The following PDZRN4 variants were observed in gnomAD, a reference collection of about 807,000 sequenced individuals.
The protein encoded by PDZRN4 is PDZ domain containing ring finger 4.
Under a neutral mutation model 99.0 loss-of-function variants are expected in PDZRN4, and 70 were observed. That is an observed-to-expected ratio of 0.71 (90% CI 0.58 to 0.86). The LOEUF is 0.86. PDZRN4 is among the 40% of genes least tolerant of loss of function. PDZRN4 has a pLI of 0.00. For missense variants in PDZRN4, 1,474 were observed against 1,331.2 expected, an observed-to-expected ratio of 1.11 and a Z score of -1.67; for synonymous variants, 551 against 501.6, an observed-to-expected ratio of 1.10 and a Z score of -1.32.
chr12:41,574,153 A>C lies in PDZRN4; in HGVS notation c.*263A>C, dbSNP rs1238746094. ...AATCAAAAACAAAAGGAAAGAAAACAAAAAAAACTTGCACAAAAATACTGA... is the reference window on the plus strand; with the variant it reads ...AATCAAAAACAAAAGGAAAGAAAACCAAAAAAACTTGCACAAAAATACTGA... On this transcript the variant is annotated 3_prime_UTR_variant, in exon 10 of 10. Coordinates refer to ENST00000402685, the MANE Select transcript of PDZRN4 (RefSeq NM_001164595.2). 1 of 261,630 alleles carries C rather than the reference A, an allele frequency of 3.8e-6. No individual in the cohort carries two copies. The highest frequency in any genetic ancestry group is 7.1e-6 in the Non-Finnish European group (1 of 140,750). The allele number at this position is 261,630 out of a possible 1,614,324, so 16.2% of individuals were successfully genotyped here.
chr12:41,392,850 T>C (rs901106851), intron 3 of PDZRN4, among the ~76,000 whole-genome samples: 4 of 152,150 alleles, frequency 2.6e-5, no homozygotes, highest in African/African-American at 9.7e-5. Flanking sequence ...GTAGCCCAGA[T>C]AGTGGAGGAA....
chr12:41,540,940 TCGGAGA>T (rs1312999778), intron 5 of PDZRN4, among the ~76,000 whole-genome samples: 2 of 143,474 alleles, frequency 1.4e-5, no homozygotes, highest in Non-Finnish European at 3.1e-5. Context: ...TGTTGTTGTT[TCGGAGA>T]CGGAGTCTCA....
At chr12:41,552,211 CT>C (rs1157692049) in intron 5 of PDZRN4, among the ~76,000 whole-genome samples, 8 of 151,962 alleles carry the variant, frequency 5.3e-5, no homozygotes, top group Non-Finnish European at 8.8e-5. Context: ...TTGGTATAGT[CT>C]TTTTTTTATT....
chr12:41,397,623 A>G (rs1952258704), intron 3 of PDZRN4, among the ~76,000 whole-genome samples: 1 of 152,160 alleles, frequency 6.6e-6, no homozygotes, highest in Non-Finnish European at 1.5e-5. Context: ...AGTCTTTTTT[A>G]GTACATTAAA....
intron 3 of PDZRN4, among the ~76,000 whole-genome samples, chr12:41,197,551 A>G (rs1338585906): frequency 6.6e-6 from 1 of 152,216 alleles, no homozygotes; most frequent in Admixed American, 6.5e-5. Context: ...ATCAGTTGTG[A>G]TAGTTGAGTT....
chr12:41,431,241 C>T (rs550882976), intron 3 of PDZRN4, among the ~76,000 whole-genome samples: 4 of 152,180 alleles, frequency 2.6e-5, no homozygotes, highest in South Asian at 2.1e-4. Context: ...TGGGCACATA[C>T]GTACTCTGTG....
intron 3 of PDZRN4, among the ~76,000 whole-genome samples, chr12:41,344,025 G>T (rs1345531260): frequency 6.6e-6 from 1 of 152,026 alleles, no homozygotes; most frequent in Non-Finnish European, 1.5e-5. Flanking sequence ...TTATAAAATT[G>T]TATACTTCAG....
At chr12:41,312,847 A>T (rs1385449610) in intron 3 of PDZRN4, among the ~76,000 whole-genome samples, 1 of 151,916 alleles carries the variant, frequency 6.6e-6, no homozygotes, top group Non-Finnish European at 1.5e-5. Context: ...TTCTTTCTCT[A>T]TATTCTGTTC....
chr12:41,319,272 G>A (rs1035504036), intron 3 of PDZRN4, among the ~76,000 whole-genome samples: 4 of 152,198 alleles, frequency 2.6e-5, no homozygotes, highest in Middle Eastern at 3.4e-3. Flanking sequence ...GATGCACCCC[G>A]AAAACTGACC....
intron 3 of PDZRN4, among the ~76,000 whole-genome samples, chr12:41,433,267 C>T (rs551768556): frequency 1.3e-5 from 2 of 152,194 alleles, no homozygotes; most frequent in East Asian, 3.9e-4. Flanking sequence ...GTTCGTGTAG[C>T]TCTAGCTTCC....
At chr12:41,500,151 G>A (rs1035872616) in intron 3 of PDZRN4, among the ~76,000 whole-genome samples, 1 of 151,948 alleles carries the variant, frequency 6.6e-6, no homozygotes, top group African/African-American at 2.4e-5. Flanking sequence ...CCCTATTGTT[G>A]CTCTCTCTTA....
intron 3 of PDZRN4, among the ~76,000 whole-genome samples, chr12:41,366,613 G>T (rs951124902): frequency 6.6e-6 from 1 of 151,988 alleles, no homozygotes; most frequent in Non-Finnish European, 1.5e-5. Flanking sequence ...TCCTTTTGGG[G>T]TAACCTGTTT....
chr12:41,367,179 T>C (rs1453612010), intron 3 of PDZRN4, among the ~76,000 whole-genome samples: 2 of 152,252 alleles, frequency 1.3e-5, no homozygotes, highest in Middle Eastern at 3.4e-3. Context: ...AAGTCTATCA[T>C]TGCTTAAGAT....
chr12:41,345,513 G>A (rs150880220), intron 3 of PDZRN4, among the ~76,000 whole-genome samples: 169 of 152,246 alleles, frequency 1.1e-3, no homozygotes, highest in African/African-American at 3.9e-3. Context: ...AAGGGTTCTA[G>A]TCATTTTCTG....
At chr12:41,407,932 G>T (rs541481529) in intron 3 of PDZRN4, among the ~76,000 whole-genome samples, 1 of 152,188 alleles carries the variant, frequency 6.6e-6, no homozygotes, top group East Asian at 1.9e-4. Context: ...GTGTTACCTG[G>T]ATGTTATGTA....
intron 3 of PDZRN4, among the ~76,000 whole-genome samples, chr12:41,389,975 C>A (rs185819701): frequency 2.0e-4 from 30 of 151,996 alleles, no homozygotes; most frequent in Non-Finnish European, 4.1e-4. Flanking sequence ...TAGGTAATGT[C>A]GAAAAGGACA....
At chr12:41,215,792 G>A (rs1203839641) in intron 3 of PDZRN4, among the ~76,000 whole-genome samples, 1 of 150,942 alleles carries the variant, frequency 6.6e-6, no homozygotes, top group Non-Finnish European at 1.5e-5. Flanking sequence ...TCTAAATTCA[G>A]TGCTTTGAGT....
intron 3 of PDZRN4, among the ~76,000 whole-genome samples, chr12:41,272,429 G>A (rs1467492222): frequency 6.6e-6 from 1 of 152,016 alleles, no homozygotes; most frequent in Non-Finnish European, 1.5e-5. Context: ...AAAGTGACCT[G>A]TTTGACTTAT....
intron 3 of PDZRN4, among the ~76,000 whole-genome samples, chr12:41,306,702 C>A (rs1285522376): frequency 2.0e-5 from 3 of 152,206 alleles, no homozygotes; most frequent in Admixed American, 6.5e-5. Context: ...ATTCATTTCT[C>A]TCTTCTTGAG....
Sources: gnomAD v4.1 joint callset for allele counts (sites outside exome capture counted in the v4.1 genomes callset) on GRCh38, gnomAD v4.1.1 for gene constraint, MANE v1.5 for transcripts, NCBI Gene and HGNC (gene_info 2026-07-23, HGNC 2026-07-21) for gene names.